PI4KA: variants seen among roughly 807,000 people sequenced by gnomAD.
PI4KA encodes the protein PI4-kinase alpha.
A neutral mutation model predicts 271.4 loss-of-function variants in PI4KA; 122 were observed. That is an observed-to-expected ratio of 0.45 (90% confidence interval 0.39 to 0.52). The LOEUF is 0.52. Ranked by LOEUF, PI4KA falls within the 20% of genes least tolerant of loss-of-function variation. PI4KA has a pLI of 0.00. For missense variants in PI4KA, 1,969 were observed against 2,769.1 expected (o/e 0.71, Z 6.48); for synonymous variants, 1,041 against 1,078.8 (o/e 0.96, Z 0.69).
chr22:20,847,399 C>T (rs892930587), intron 1 of PI4KA, among the ~76,000 whole-genome samples: 1 of 152,138 alleles, frequency 6.6e-6, no homozygotes, highest in Admixed American at 6.6e-5. Context: ...CCAGTCTGGG[C>T]AACATAGTGA....
intron 9 of PI4KA, among the ~76,000 whole-genome samples, chr22:20,807,853 C>T (rs910032017): frequency 1.3e-5 from 2 of 151,982 alleles, no homozygotes; most frequent in Admixed American, 6.5e-5. Flanking sequence ...ATACAAATTA[C>T]AGCCAGGACA....
chr22:20,727,837 G>A lies in PI4KA; in HGVS notation c.4710C>T (p.Asn1570=), dbSNP rs774813767. The change falls in exon 40 of 55, where the codon AAC becomes AAT. Residue 1570 remains asparagine, a synonymous_variant. Transcript: ENST00000255882. ...CCAACCGAACGAGACGGGTCACTTC[G>A]TTCCCAATGGCTTCTGTGTTCTTAA... The part of the protein sequence containing the change: ...ARFKNTEAIG[N]EVTRLVRLDP... 30 of 1,613,908 alleles carry A rather than the reference G, an allele frequency of 1.9e-5. No individual in the cohort carries two copies. The Admixed American group carries it at 2.2e-4, about 12-fold the overall frequency.
rs533126725 is a variant in PI4KA, at chr22:20,758,225, C to T, written c.2791+3079G>A. ...CTAAAAATACAAAAAATTAGCCAGG[C>T]GTGGTGGTGGGCGCCTGTAGTCCCA... On this transcript the variant is annotated intron_variant, in intron 23 of 54. Transcript: ENST00000255882. 1.8e-3 allele frequency among the ~76,000 whole-genome samples: 266 copies of T among 151,610 alleles called. 2 individuals are homozygous for T. The highest frequency in any genetic ancestry group is 5.9e-3 in the African/African-American group (246 of 41,360).
At chr22:20,769,546 G>C (rs900864141) in intron 19 of PI4KA, among the ~76,000 whole-genome samples, 7 of 152,078 alleles carry the variant, frequency 4.6e-5, no homozygotes, top group Non-Finnish European at 1.0e-4. Context: ...GCACACACCT[G>C]TAGTCCCAGG....
intron 19 of PI4KA, chr22:20,779,635 T>C (rs1325882776): frequency 6.2e-7 from 1 of 1,614,186 alleles, no homozygotes; most frequent in Non-Finnish European, 8.5e-7. Context: ...GACTCTGATG[T>C]GAGTGCTGGG....
intron 19 of PI4KA, chr22:20,784,212 T>C (rs1569029258): frequency 6.2e-7 from 1 of 1,613,946 alleles, no homozygotes; most frequent in Admixed American, 1.7e-5. Flanking sequence ...ACACCCCGGG[T>C]GGTGGAGAGA....
At chr22:20,802,477 G>A (rs549507988) in intron 13 of PI4KA, among the ~76,000 whole-genome samples, 1 of 152,282 alleles carries the variant, frequency 6.6e-6, no homozygotes, top group South Asian at 2.1e-4. Flanking sequence ...GGATGCTTGC[G>A]GGAGCAGGGG....
intron 23 of PI4KA, among the ~76,000 whole-genome samples, chr22:20,759,107 T>C (rs1931659701): frequency 6.6e-6 from 1 of 152,182 alleles, no homozygotes; most frequent in African/African-American, 2.4e-5. Flanking sequence ...TGGAGTGCAG[T>C]GGTGCGATCC....
intron 3 of PI4KA, among the ~76,000 whole-genome samples, chr22:20,827,130 G>A (rs1011994986): frequency 6.6e-6 from 1 of 152,128 alleles, no homozygotes; most frequent in Non-Finnish European, 1.5e-5. Context: ...ATCTTTGCCA[G>A]GGTCTATGTC....
intron 44 of PI4KA, 42 bp downstream of exon 44, chr22:20,718,651 G>A: frequency 1.9e-6 from 3 of 1,607,436 alleles, no homozygotes; most frequent in Non-Finnish European, 2.6e-6. Context: ...GCAGGGACTG[G>A]AAGGAGATCC....
Position 20,813,505 on chromosome 22 carries a change from G to C in PI4KA, c.858C>G (p.Ala286=), listed in dbSNP as rs570350560. 1 of 1,613,656 alleles carries C rather than the reference G, an allele frequency of 6.2e-7. No homozygotes were observed. The highest frequency in any genetic ancestry group is 1.1e-5 in the South Asian group (1 of 90,988). Residue 286 remains alanine (A), a splice_region_variant and synonymous_variant, in exon 8 of 55, where the codon GCC becomes GCG. Coordinates refer to ENST00000255882, the MANE Select transcript of PI4KA (RefSeq NM_058004.4). ...PGGSAFHYFE[A]SCLPDGTALE... ...GGGCAGTCCCATCGGGCAAGCAGGA[G>C]GCTGGTGGGAGATAAAGCTGGAAAC... is the stretch of plus-strand genomic sequence containing the variant.
chr22:20,779,282 T>A, intron 19 of PI4KA: 1 of 1,613,732 alleles, frequency 6.2e-7, no homozygotes, highest in Admixed American at 1.7e-5. Flanking sequence ...CACTGTGTTC[T>A]GTTTTCCCTC....
chr22:20,766,619 C>T (rs981024019), intron 19 of PI4KA, among the ~76,000 whole-genome samples: 4 of 151,706 alleles, frequency 2.6e-5, no homozygotes, highest in African/African-American at 9.7e-5. Context: ...GAGCCAAGAT[C>T]GCACCATTGC....
chr22:20,732,629 C>A (rs192041054), intron 36 of PI4KA, among the ~76,000 whole-genome samples: 88 of 152,354 alleles, frequency 5.8e-4, no homozygotes, highest in African/African-American at 2.0e-3. Context: ...CAACAACAGA[C>A]CATACCCCAG....
intron 23 of PI4KA, among the ~76,000 whole-genome samples, chr22:20,755,156 T>C (rs1931144005): frequency 2.0e-5 from 3 of 152,178 alleles, no homozygotes; most frequent in Non-Finnish European, 4.4e-5. Flanking sequence ...CCATTTTTTA[T>C]TTATTCGGTA....
At position 20,751,320 on chromosome 22, in the gene PI4KA, C is replaced by T. The variant is rs201868783; in HGVS notation, c.3126G>A (p.Thr1042=). 1.2e-4 allele frequency: 199 copies of T among 1,614,046 alleles called. 1 individual carries two copies. The highest frequency in any genetic ancestry group is 6.6e-4 in the Middle Eastern group (4 of 6,062). ...YDIPDAPYRI[T]VPDTYEARES... is the part of the protein sequence containing the mutation. ...CACGGGCTTCGTACGTGTCAGGAACCGTGATCCGGTAGGGGGCGTCGGGGA... is the reference window on the plus strand; with the variant it reads ...CACGGGCTTCGTACGTGTCAGGAACTGTGATCCGGTAGGGGGCGTCGGGGA... The change falls in exon 27 of 55, where the codon ACG becomes ACA. Residue 1042 remains threonine (T), a synonymous_variant. Transcript: ENST00000255882.
intron 3 of PI4KA, among the ~76,000 whole-genome samples, chr22:20,827,411 A>AT (rs951127149): frequency 5.0e-4 from 76 of 151,740 alleles, no homozygotes; most frequent in Middle Eastern, 6.8e-3. Context: ...TCTATGTGCT[A>AT]TTTTTTTTAC....
chr22:20,751,303 T>C lies in PI4KA; in HGVS notation c.3143A>G (p.Glu1048Gly). ...PYRITVPDTY[E>G]ARESIVKDFA... ...TCGTGTCGGGCCTACCTCACGGGCTTCGTACGTGTCAGGAACCGTGATCCG... is the reference window on the plus strand; with the variant it reads ...TCGTGTCGGGCCTACCTCACGGGCTCCGTACGTGTCAGGAACCGTGATCCG... The change falls in exon 27 of 55, where the codon GAA (glutamate) becomes GGA (glycine). Residue 1048 changes from glutamate to glycine, a missense_variant. Physicochemically the swap from Glu to Gly is moderately conservative, Grantham distance 98. Transcript: ENST00000255882. 6.2e-7 allele frequency: 1 copy of C among 1,613,780 alleles called. No individual in the cohort carries two copies. Among genetic ancestry groups the C allele is most frequent in the Non-Finnish European group, 8.5e-7 (1 of 1,179,748 alleles).
Position 20,813,353 on chromosome 22 carries a change from C to T in PI4KA, c.1005+5G>A. Reference sequence around the variant, plus strand: ...GGTCTGTTCATCCATCAGTTCTTTGCTTACCAGGTTTAAGAGTTCCCGAAG... The same window carrying T: ...GGTCTGTTCATCCATCAGTTCTTTGTTTACCAGGTTTAAGAGTTCCCGAAG... On this transcript the variant is annotated splice_donor_5th_base_variant and intron_variant, in intron 8 of 54. Transcript: ENST00000255882. 1 of 1,611,668 alleles carries T rather than the reference C, an allele frequency of 6.2e-7. No individual in the cohort carries two copies. The highest frequency in any genetic ancestry group is 8.5e-7 in the Non-Finnish European group (1 of 1,177,876).
Sources: gnomAD v4.1 joint callset for allele counts (sites outside exome capture counted in the v4.1 genomes callset) on GRCh38, gnomAD v4.1.1 for gene constraint, MANE v1.5 for transcripts, NCBI Gene and HGNC (gene_info 2026-07-23, HGNC 2026-07-21) for gene names.